PDE4B: variants seen among roughly 807,000 people sequenced by gnomAD.
The protein encoded by PDE4B is 3',5'-cyclic-AMP phosphodiesterase 4B.
Under a neutral mutation model 82.2 loss-of-function variants are expected in PDE4B, and 20 were observed. The ratio of observed to expected loss-of-function variants is 0.24; its 90% confidence interval spans 0.17 to 0.35. The LOEUF is 0.35. PDE4B is among the 10% of genes least tolerant of loss of function. The probability of loss-of-function intolerance (pLI) is 1.00; values close to 1 mark genes in which losing one functional copy is unlikely to be tolerated. For missense variants in PDE4B, 655 were observed against 907.2 expected (o/e 0.72, Z 3.57); for synonymous variants, 320 against 318.9 (o/e 1.00, Z -0.04).
chr1:66,008,285 C>T (rs942892071), intron 3 of PDE4B, among the ~76,000 whole-genome samples: 3 of 152,094 alleles, frequency 2.0e-5, no homozygotes, highest in African/African-American at 7.2e-5. Flanking sequence ...GGCTGAATGT[C>T]CAGGCATGTC....
intron 3 of PDE4B, among the ~76,000 whole-genome samples, chr1:65,946,454 G>C (rs1648717476): frequency 6.6e-6 from 1 of 151,976 alleles, no homozygotes. Context: ...TCAGAATGTG[G>C]AGTTAGGAAG....
intron 3 of PDE4B, among the ~76,000 whole-genome samples, chr1:65,976,508 T>C (rs1375754019): frequency 1.3e-5 from 2 of 152,066 alleles, no homozygotes; most frequent in Admixed American, 6.6e-5. Flanking sequence ...GGAGGCATGA[T>C]TGGTTTTGAA....
At chr1:66,023,021 C>T (rs1653226645) in intron 3 of PDE4B, among the ~76,000 whole-genome samples, 1 of 152,096 alleles carries the variant, frequency 6.6e-6, no homozygotes, top group African/African-American at 2.4e-5. Context: ...CAACTTCTTC[C>T]TGGTTTAGTC....
At chr1:66,110,987 T>C (rs146716527) in intron 3 of PDE4B, among the ~76,000 whole-genome samples, 1 of 152,186 alleles carries the variant, frequency 6.6e-6, no homozygotes, top group African/African-American at 2.4e-5. Flanking sequence ...AAGCTTACTT[T>C]GTAACGCCCT....
intron 7 of PDE4B, among the ~76,000 whole-genome samples, chr1:66,325,934 G>A (rs1049816368): frequency 6.6e-6 from 1 of 152,180 alleles, no homozygotes; most frequent in Non-Finnish European, 1.5e-5. Flanking sequence ...TGGAAGCACA[G>A]TGGGCTACTT....
chr1:66,029,652 G>A (rs867763589), intron 3 of PDE4B, among the ~76,000 whole-genome samples: 2 of 152,096 alleles, frequency 1.3e-5, no homozygotes, highest in Non-Finnish European at 2.9e-5. Context: ...TTTGCTTTTT[G>A]ATATGAAATA....
intron 1 of PDE4B, among the ~76,000 whole-genome samples, chr1:65,895,656 T>G (rs1646901847): frequency 6.6e-6 from 1 of 151,746 alleles, no homozygotes; most frequent in Non-Finnish European, 1.5e-5. Flanking sequence ...TTTTATGTTC[T>G]GTCAAATAGT....
intron 7 of PDE4B, among the ~76,000 whole-genome samples, chr1:66,280,165 A>G (rs1039093326): frequency 3.9e-5 from 6 of 152,268 alleles, no homozygotes; most frequent in Admixed American, 2.0e-4. Flanking sequence ...AAAACAAAAT[A>G]AAATAATCAT....
intron 3 of PDE4B, among the ~76,000 whole-genome samples, chr1:65,957,163 T>G (rs1649303691): frequency 6.6e-6 from 1 of 152,086 alleles, no homozygotes; most frequent in Non-Finnish European, 1.5e-5. Context: ...TTTTACCCTC[T>G]TTCTGGTGCT....
At chr1:66,081,382 G>A (rs1465214843) in intron 3 of PDE4B, among the ~76,000 whole-genome samples, 1 of 151,828 alleles carries the variant, frequency 6.6e-6, no homozygotes, top group Non-Finnish European at 1.5e-5. Context: ...GATATTCCAT[G>A]TCCCAAACAT....
chr1:66,367,656 TC>T, intron 13 of PDE4B, 39 bp from the exon 14 acceptor site: 3 of 1,517,458 alleles, frequency 2.0e-6, no homozygotes, highest in Non-Finnish European at 2.7e-6. Flanking sequence ...TCAAATCATA[TC>T]CCTTTTTAAT....
chr1:66,104,067 T>A (rs1264223135), intron 3 of PDE4B, among the ~76,000 whole-genome samples: 1 of 151,156 alleles, frequency 6.6e-6, no homozygotes, highest in Non-Finnish European at 1.5e-5. Flanking sequence ...TAGGTATATC[T>A]CCTAAAGCTA....
chr1:65,955,336 A>G (rs1649201022), intron 3 of PDE4B, among the ~76,000 whole-genome samples: 1 of 152,128 alleles, frequency 6.6e-6, no homozygotes, highest in Non-Finnish European at 1.5e-5. Context: ...TGGACAGTTT[A>G]TACTACATCC....
chr1:65,852,374 A>G (rs1450735076), intron 1 of PDE4B, among the ~76,000 whole-genome samples: 1 of 151,968 alleles, frequency 6.6e-6, no homozygotes, highest in African/African-American at 2.4e-5. Flanking sequence ...GATTTGAATA[A>G]AGAATTCAAT....
At chr1:65,826,223 T>C (rs1477071029) in intron 1 of PDE4B, among the ~76,000 whole-genome samples, 1 of 152,220 alleles carries the variant, frequency 6.6e-6, no homozygotes, top group Non-Finnish European at 1.5e-5. Context: ...ATTAGTAGTC[T>C]AAGTTGTTAT....
intron 3 of PDE4B, among the ~76,000 whole-genome samples, chr1:66,224,412 A>T (rs1651260008): frequency 6.6e-6 from 1 of 152,224 alleles, no homozygotes; most frequent in Admixed American, 6.5e-5. Flanking sequence ...TGCAGCAAAA[A>T]ATGGCTGGAG....
At chr1:65,891,413 A>G (rs1011769735) in intron 1 of PDE4B, among the ~76,000 whole-genome samples, 3 of 152,062 alleles carry the variant, frequency 2.0e-5, no homozygotes, top group African/African-American at 7.2e-5. Context: ...TGGTAGTTCA[A>G]CTAGTACTTT....
At chr1:65,907,419 C>CGT (rs1647039042) in intron 1 of PDE4B, among the ~76,000 whole-genome samples, 1 of 152,004 alleles carries the variant, frequency 6.6e-6, no homozygotes. Context: ...GATTATACTC[C>CGT]AATCCCTTTA....
At chr1:65,871,488 C>T (rs1646572551) in intron 1 of PDE4B, among the ~76,000 whole-genome samples, 2 of 152,170 alleles carry the variant, frequency 1.3e-5, no homozygotes. Context: ...CCTCTGTTTC[C>T]TTATCTACAA....
Sources: gnomAD v4.1 joint callset for allele counts (sites outside exome capture counted in the v4.1 genomes callset) on GRCh38, gnomAD v4.1.1 for gene constraint, MANE v1.5 for transcripts, NCBI Gene and HGNC (gene_info 2026-07-23, HGNC 2026-07-21) for gene names.